Variants in TAF8 observed in about 807,000 individuals in gnomAD.
TAF8 encodes the protein TATA-box binding protein associated factor 8, also known as transcription initiation factor TFIID subunit 8.
In TAF8, 47 loss-of-function variants were observed where a neutral mutation model predicts 36.5. The ratio of observed to expected loss-of-function variants is 1.29; its 90% CI spans 1.02 to 1.64. TAF8 has a LOEUF of 1.64. Ranked by LOEUF, TAF8 falls within the 40% of genes most tolerant of loss-of-function variation. TAF8 has a pLI of 0.00. For missense variants in TAF8, 420 were observed against 407.6 expected (o/e 1.03, Z -0.26); for synonymous variants, 175 against 159.5 (o/e 1.10, Z -0.73).
At position 42,050,560 on chromosome 6, in the gene TAF8, A is replaced by C. The variant is rs768929303; in HGVS notation, c.19A>C (p.Thr7Pro). Residue 7 changes from threonine (T) to proline (P), a missense_variant, in exon 1 of 9, where the codon ACA (threonine) becomes CCA (proline). Thr to Pro is a conservative substitution (Grantham distance 38, BLOSUM62 -1). Coordinates refer to ENST00000372977, the MANE Select transcript of TAF8 (RefSeq NM_138572.3). Reference sequence around the variant, plus strand: ...GAACAAGATGGCCGACGCGGCGGCCACAGCTGGGGCCGGTGGCTCCGGAAC... The same window carrying C: ...GAACAAGATGGCCGACGCGGCGGCCCCAGCTGGGGCCGGTGGCTCCGGAAC... Reference protein sequence around the residue: MADAAATAGAGGSGTRS... With the variant: MADAAAPAGAGGSGTRS... 2.8e-6 allele frequency: 4 copies of C among 1,425,946 alleles called. No homozygotes were observed. The highest frequency in any genetic ancestry group is 6.7e-5 in the East Asian group (2 of 29,878). The allele number at this position is 1,425,946 out of a possible 1,614,324, so 88.3% of individuals were successfully genotyped here.
rs772797622 is a variant in TAF8 at position 42,080,076 on chromosome 6, G to C, written c.*2531G>C. On this transcript the variant is annotated 3_prime_UTR_variant, in exon 9 of 9. Transcript: ENST00000372977. ...TAGTAACGTGAAACTCTCCTAGATC[G>C]AAGCAGTTAGACTGGCCTATGTGGC... is the stretch of plus-strand genomic sequence containing the variant. 2.0e-5 allele frequency: 20 copies of C among 985,204 alleles called. No homozygotes were observed. In the South Asian group the frequency reaches 6.6e-4, roughly 32 times the overall value. 61.0% of individuals were successfully genotyped at this position (985,204 alleles called of 1,614,324 possible).
rs755732966 is a variant in TAF8 at position 42,050,604 on chromosome 6, G to A, written c.45+18G>A. On this transcript the variant is annotated intron_variant, in intron 1 of 8. Transcript: ENST00000372977. Reference sequence around the variant, plus strand: ...CCGGAACGGTAAGGGCAGGAAGCGCGGGCTCGGAGCCGAGAGAGTTTGGGT... The same window carrying A: ...CCGGAACGGTAAGGGCAGGAAGCGCAGGCTCGGAGCCGAGAGAGTTTGGGT... The A allele has an allele frequency of 1.3e-6, 2 of 1,545,662 alleles. No homozygotes were observed. The highest frequency in any genetic ancestry group is 2.4e-5 in the South Asian group (2 of 83,738).
chr6:42,074,046 C>T (rs1007325377), intron 7 of TAF8, among the ~76,000 whole-genome samples: 2 of 152,100 alleles, frequency 1.3e-5, no homozygotes, highest in African/African-American at 2.4e-5. Flanking sequence ...GTTGCAGTCA[C>T]TTGGGAAGCT....
chr6:42,054,508 T>C (rs1393508763), intron 2 of TAF8, among the ~76,000 whole-genome samples: 1 of 152,210 alleles, frequency 6.6e-6, no homozygotes, highest in Non-Finnish European at 1.5e-5. Flanking sequence ...CATCCCCTGG[T>C]AACTTCTAAT....
rs962634112 is a variant in TAF8 at position 42,080,667 on chromosome 6, G to A, written c.*3122G>A. 45 of 984,620 alleles carry A rather than the reference G, an allele frequency of 4.6e-5. No individual in the cohort carries two copies. The African/African-American group carries it at 6.1e-4, about 13-fold the overall frequency. The allele number at this position is 984,620 out of a possible 1,614,324, so 61.0% of individuals were successfully genotyped here. A position where few individuals can be genotyped will look rare whatever the true frequency, so the allele number is the denominator to read the frequency against. On this transcript the variant is annotated 3_prime_UTR_variant, in exon 9 of 9. Coordinates refer to ENST00000372977, the MANE Select transcript of TAF8 (RefSeq NM_138572.3). The stretch of plus-strand genomic sequence containing the variant: ...GGTGGGATTACAGGCATGAGCCACC[G>A]CGCCTGGCCTCAGAGGCTATACTCT...
intron 5 of TAF8, among the ~76,000 whole-genome samples, chr6:42,061,843 AGTTTGTCAAATATCAAAG>A (rs368499384): frequency 0.024 from 3,590 of 152,312 alleles, 134 homozygotes; most frequent in African/African-American, 0.081. Flanking sequence ...GATTTTGGAA[AGTTTGTCAAATATCAAAG>A]GTTTAAAACA....
In TAF8 at chr6:42,082,521, T is replaced by C. The variant is rs957889634; in HGVS notation, c.*4976T>C. The stretch of plus-strand genomic sequence containing the variant: ...ACCCAGCTAACTTTTGTATTTTTAG[T>C]AGAGATGGGGTTTCACCATGTTGGC... On this transcript the variant is annotated 3_prime_UTR_variant, in exon 9 of 9. Coordinates refer to ENST00000372977, the MANE Select transcript of TAF8 (RefSeq NM_138572.3). 6.6e-6 allele frequency: 1 copy of C among 152,228 alleles called. No individual in the cohort carries two copies. The highest frequency in any genetic ancestry group is 1.5e-5 in the Non-Finnish European group (1 of 68,078). 9.4% of individuals were successfully genotyped at this position (152,228 alleles called of 1,614,324 possible). A position where few individuals can be genotyped will look rare whatever the true frequency, so the allele number is the denominator to read the frequency against.
In TAF8 at chr6:42,076,037, G is replaced by A. The variant is rs374346694; in HGVS notation, c.781-1063G>A. On this transcript the variant is annotated intron_variant, in intron 7 of 8. Coordinates refer to ENST00000372977, the MANE Select transcript of TAF8 (RefSeq NM_138572.3). ...ATCCTGGCTAACATGGTGAAACCCC[G>A]TCTCTACTAAAAATAAAAAACTTAG... Among the ~76,000 whole-genome samples the A allele has an allele frequency of 2.6e-4, 40 of 152,158 alleles. No individual in the cohort carries two copies. The East Asian group carries it at 4.4e-3, about 17-fold the overall frequency.
At chr6:42,086,318 T>C (rs4714563), downstream of TAF8, among the ~76,000 whole-genome samples, 147,426 of 152,326 alleles carry the variant, frequency 0.97, 71,537 homozygotes, top group East Asian at 1. Flanking sequence ...AGTGCTTTTT[T>C]GGAATAGCCT....
intron 2 of TAF8, among the ~76,000 whole-genome samples, chr6:42,052,896 A>G (rs1284982939): frequency 6.6e-6 from 1 of 152,176 alleles, no homozygotes; most frequent in East Asian, 1.9e-4. Flanking sequence ...ATTGCCCATC[A>G]AGCTGAAAAG....
At chr6:42,063,650 A>G (rs968368619) in intron 5 of TAF8, 1 of 152,040 alleles carries the variant, frequency 6.6e-6, no homozygotes, top group Non-Finnish European at 1.5e-5. Flanking sequence ...AGATGGGGAC[A>G]GGTTTTTTGT....
At position 42,055,639 on chromosome 6, in the gene TAF8, C is replaced by T. The variant is rs1190690759; in HGVS notation, c.301+10C>T. 1 of 1,603,370 alleles carries T rather than the reference C, an allele frequency of 6.2e-7. No homozygotes were observed. Among genetic ancestry groups the T allele is most frequent in the Non-Finnish European group, 8.5e-7 (1 of 1,170,154 alleles). ...ACACTTGTTGAGATGGGTGAGTATA[C>T]CTTCAGTTTCCAGTTCTTCGATGCA... is the stretch of plus-strand genomic sequence containing the variant. On this transcript the variant is annotated intron_variant, in intron 3 of 8. Coordinates refer to ENST00000372977, the MANE Select transcript of TAF8 (RefSeq NM_138572.3).
At chr6:42,086,577 A>G, downstream of TAF8, 1 of 842,846 alleles carries the variant, frequency 1.2e-6, no homozygotes, top group Non-Finnish European at 2.0e-6. Context: ...GGGAGAAACA[A>G]ACCTTTTAAA....
At chr6:42,066,581 C>T (rs1765371803) in intron 6 of TAF8, 122 bp downstream of exon 6, 1 of 1,176,996 alleles carries the variant, frequency 8.5e-7, no homozygotes, top group Non-Finnish European at 1.2e-6. Context: ...TACAGCTTGC[C>T]TCTCAGATTT....
In TAF8 at chr6:42,051,442, T is replaced by C; in HGVS notation, c.131T>C (p.Leu44Ser). The change falls in exon 2 of 9, where the codon TTG becomes TCG. Residue 44 changes from leucine (L) to serine (S), a missense_variant. Leu to Ser is a moderately radical substitution (Grantham distance 145). Transcript: ENST00000372977. ...RRTLQVVVSS[L>S]LTEAGFESAE... ...ACCCTGCAGGTGGTTGTGAGCTCCT[T>C]GCTGACAGAGGCAGGGTTTGAGAGT... 6.2e-7 allele frequency: 1 copy of C among 1,614,096 alleles called. No individual in the cohort carries two copies. Among genetic ancestry groups the C allele is most frequent in the Non-Finnish European group, 8.5e-7 (1 of 1,180,006 alleles).
rs112569860 is a variant in TAF8 at position 42,071,632 on chromosome 6, C to CT, written c.780+3038dup. On this transcript the variant is annotated intron_variant, in intron 7 of 8. Transcript: ENST00000372977. ...AGCCACCACACCCGGCCTGGATATACTTTTTTTTTTTTTAAATATTGAATT... is the reference window on the plus strand; with the variant it reads ...AGCCACCACACCCGGCCTGGATATACTTTTTTTTTTTTTTAAATATTGAATT... Among the ~76,000 whole-genome samples the CT allele has an allele frequency of 8.2e-3, 1,185 of 145,180 alleles. 16 individuals carry two copies. Among genetic ancestry groups the CT allele is most frequent in the African/African-American group, 0.027 (1,063 of 39,816 alleles).
At chr6:42,051,934 C>T (rs1764807381) in intron 2 of TAF8, among the ~76,000 whole-genome samples, 1 of 152,228 alleles carries the variant, frequency 6.6e-6, no homozygotes. Context: ...CCACTGCACT[C>T]CAGCCTGTGA....
At chr6:42,064,265 G>A (rs1023272164) in intron 5 of TAF8, among the ~76,000 whole-genome samples, 2 of 151,066 alleles carry the variant, frequency 1.3e-5, no homozygotes, top group Non-Finnish European at 3.0e-5. Context: ...GTTTTTTTGT[G>A]GGGGGTGGAC....
intron 5 of TAF8, among the ~76,000 whole-genome samples, chr6:42,065,551 T>A (rs1197408229): frequency 4.6e-5 from 7 of 152,196 alleles, no homozygotes; most frequent in Non-Finnish European, 1.0e-4. Flanking sequence ...GTATCCATAT[T>A]GTGAGGATTG....
Sources: allele counts gnomAD v4.1 joint callset (sites outside exome capture counted in the v4.1 genomes callset), GRCh38; gene constraint gnomAD v4.1.1; transcripts MANE v1.5; gene names NCBI Gene and HGNC (gene_info 2026-07-23, HGNC 2026-07-21).